Variants in CSMD1 observed in about 807,000 individuals in gnomAD.
The protein encoded by CSMD1 is CUB and sushi domain-containing protein 1.
In CSMD1, 213 loss-of-function variants were observed where a neutral mutation model predicts 417.5. The ratio of observed to expected loss-of-function variants is 0.51; its 90% CI spans 0.46 to 0.57. CSMD1 has a LOEUF of 0.57. Among genes scored for constraint, CSMD1 ranks in the 20% least tolerant of loss-of-function variants. The pLI, the probability that CSMD1 is intolerant of heterozygous loss-of-function variation, is 0.00. For synonymous variants in CSMD1, 2,862 were observed against 1,736.8 expected, an observed-to-expected ratio of 1.65 and a Z score of -16.11; for missense variants, 6,923 against 4,529.7, an observed-to-expected ratio of 1.53 and a Z score of -15.17.
chr8:4,080,540 C>A (rs1311638533), intron 3 of CSMD1, among the ~76,000 whole-genome samples: 1 of 152,166 alleles, frequency 6.6e-6, no homozygotes, highest in Admixed American at 6.5e-5. Context: ...TTGTCCAACA[C>A]ATAGGTTTCT....
rs61703709 is a variant in CSMD1 at position 3,493,737 on chromosome 8, G to C, written c.1345-11C>G. ...GGCAAGCTTGATGACCTAAATACAA[G>C]GTACGAAACAGTGACTTAGAACAAC... is the stretch of plus-strand genomic sequence containing the variant. On this transcript the variant is annotated splice_polypyrimidine_tract_variant and intron_variant, in intron 10 of 69. Transcript: ENST00000635120. The C allele has an allele frequency of 1.9e-6, 3 of 1,599,738 alleles. No homozygotes were observed. The highest frequency in any genetic ancestry group is 1.7e-5 in the Admixed American group (1 of 58,370).
chr8:3,047,436 C>T (rs1290135982), intron 50 of CSMD1, among the ~76,000 whole-genome samples: 1 of 152,092 alleles, frequency 6.6e-6, no homozygotes. Flanking sequence ...TATCACTTAC[C>T]AGTCTCACAC....
chr8:3,531,813 G>C (rs1585315055), intron 10 of CSMD1, among the ~76,000 whole-genome samples: 1 of 152,204 alleles, frequency 6.6e-6, no homozygotes, highest in Non-Finnish European at 1.5e-5. Context: ...TTACACAGGG[G>C]GATGCCAGCA....
At chr8:4,987,392 A>G (rs2117461684) in intron 1 of CSMD1, among the ~76,000 whole-genome samples, 1 of 152,292 alleles carries the variant, frequency 6.6e-6, no homozygotes, top group Admixed American at 6.5e-5. Flanking sequence ...TTGCTGCAAC[A>G]CTTTAGGAAA....
chr8:4,125,428 C>T (rs1389784608), intron 3 of CSMD1, among the ~76,000 whole-genome samples: 1 of 152,182 alleles, frequency 6.6e-6, no homozygotes, highest in Non-Finnish European at 1.5e-5. Flanking sequence ...GCACATCTTT[C>T]ATCTGTTGCT....
intron 7 of CSMD1, among the ~76,000 whole-genome samples, chr8:3,701,334 T>A (rs7005492): frequency 0.3 from 46,213 of 151,994 alleles, 7,709 homozygotes; most frequent in East Asian, 0.48. Flanking sequence ...GGTAGCCCTA[T>A]TCATGATAAT....
Position 3,142,505 on chromosome 8 carries a change from G to T in CSMD1, c.6201C>A (p.Asp2067Glu). ...TAAATCCTTGCCGGTTTTGCGAATG[G>T]TCACTATAAAAGTGGATGAGGGTTT... ...THETLIHFYSDHSQNRQGFKL... is the reference protein window; with the variant it reads ...THETLIHFYSEHSQNRQGFKL... Residue 2067 changes from aspartate (D) to glutamate (E), a missense_variant, in exon 41 of 70, where the codon GAC becomes GAA. Transcript: ENST00000635120. 1.9e-6 allele frequency: 3 copies of T among 1,613,966 alleles called. No homozygotes were observed. The highest frequency in any genetic ancestry group is 2.5e-6 in the Non-Finnish European group (3 of 1,179,888).
Position 3,974,274 on chromosome 8 carries a change from T to C in CSMD1, c.818+23629A>G, listed in dbSNP as rs534860510. 1.5e-4 allele frequency among the ~76,000 whole-genome samples: 23 copies of C among 152,054 alleles called. 1 individual carries two copies. The East Asian group carries it at 3.5e-3, about 23-fold the overall frequency. On this transcript the variant is annotated intron_variant, in intron 5 of 69. Transcript: ENST00000635120. ...TTAAATAATTATTTTTCTTTGATTTTTAAATTATAAATCTAGTATTCTTTT... is the reference window on the plus strand; with the variant it reads ...TTAAATAATTATTTTTCTTTGATTTCTAAATTATAAATCTAGTATTCTTTT...
At chr8:3,622,599 G>A (rs77580656) in intron 7 of CSMD1, among the ~76,000 whole-genome samples, 10 of 152,216 alleles carry the variant, frequency 6.6e-5, no homozygotes, top group South Asian at 2.1e-4. Flanking sequence ...CTGTGAAGGC[G>A]CAAAATGATT....
intron 2 of CSMD1, among the ~76,000 whole-genome samples, chr8:4,625,137 T>C (rs966564761): frequency 9.2e-5 from 14 of 151,928 alleles, no homozygotes; most frequent in African/African-American, 3.4e-4. Context: ...GACATGACCA[T>C]ACCAGGGAAA....
chr8:3,928,882 C>G (rs957756334), intron 5 of CSMD1, among the ~76,000 whole-genome samples: 9 of 147,924 alleles, frequency 6.1e-5, no homozygotes, highest in African/African-American at 2.2e-4. Flanking sequence ...GAGCTTTCCA[C>G]TGTTGCTTAT....
At chr8:4,219,489 T>C (rs1463162511) in intron 3 of CSMD1, among the ~76,000 whole-genome samples, 1 of 152,180 alleles carries the variant, frequency 6.6e-6, no homozygotes, top group Admixed American at 6.5e-5. Context: ...TTTCCTTCCG[T>C]CTCTTGGGTG....
intron 1 of CSMD1, among the ~76,000 whole-genome samples, chr8:4,792,822 G>C (rs1392961205): frequency 6.6e-6 from 1 of 152,090 alleles, no homozygotes. Context: ...GTGACCAAGT[G>C]TTTCCAAAGC....
chr8:4,817,231 G>T (rs1448578788), intron 1 of CSMD1, among the ~76,000 whole-genome samples: 2 of 152,056 alleles, frequency 1.3e-5, no homozygotes, highest in South Asian at 2.1e-4. Flanking sequence ...ACCTAGATTT[G>T]CAGTTAGTGA....
intron 2 of CSMD1, among the ~76,000 whole-genome samples, chr8:4,511,092 T>G (rs1418236206): frequency 1.3e-5 from 2 of 152,142 alleles, no homozygotes; most frequent in Non-Finnish European, 2.9e-5. Context: ...AGCACTCTCC[T>G]GTTCAATTCC....
intron 8 of CSMD1, among the ~76,000 whole-genome samples, chr8:3,611,079 T>C (rs1202414506): frequency 1.1e-5 from 1 of 91,272 alleles, no homozygotes; most frequent in Non-Finnish European, 2.0e-5. Context: ...CTGCGAACTG[T>C]TGTGGGGTGG....
rs147814603 is a variant in CSMD1 at position 4,334,836 on chromosome 8, G to C, written c.415+85117C>G. Among the ~76,000 whole-genome samples the C allele has an allele frequency of 2.9e-4, 44 of 152,214 alleles. No homozygotes were observed. The East Asian group carries it at 7.0e-3, about 24-fold the overall frequency. On this transcript the variant is annotated intron_variant, in intron 3 of 69. Coordinates refer to ENST00000635120, the MANE Select transcript of CSMD1 (RefSeq NM_033225.6). ...TATATTCGGAGGTTTTTAAAGAAAA[G>C]ACATTTATTTCTCATTGATCTGGAG...
chr8:4,038,027 G>C (rs1463870542), intron 3 of CSMD1, among the ~76,000 whole-genome samples: 2 of 152,158 alleles, frequency 1.3e-5, no homozygotes, highest in East Asian at 1.9e-4. Flanking sequence ...TTGGTAAAAA[G>C]TGTAAATAAG....
chr8:3,624,387 A>C (rs1385492817), intron 7 of CSMD1, among the ~76,000 whole-genome samples: 1 of 152,238 alleles, frequency 6.6e-6, no homozygotes, highest in Non-Finnish European at 1.5e-5. Flanking sequence ...TGTCATTTTA[A>C]GTTAAACGTT....
Sources: allele counts gnomAD v4.1 joint callset (sites outside exome capture counted in the v4.1 genomes callset), GRCh38; gene constraint gnomAD v4.1.1; transcripts MANE v1.5; gene names NCBI Gene and HGNC (gene_info 2026-07-23, HGNC 2026-07-21).